ERMN: variants seen among roughly 807,000 people sequenced by gnomAD.
ERMN encodes ermin.
ERMN carries 17 observed loss-of-function variants against 21.4 expected under a neutral mutation model. That is an observed-to-expected ratio of 0.80 (90% CI 0.54 to 1.19). The LOEUF is 1.19. Among genes scored for constraint, ERMN ranks in the 50% most tolerant of loss-of-function variants. The pLI is 0.00. For missense variants in ERMN, 348 were observed against 331.6 expected (o/e 1.05, Z -0.38); for synonymous variants, 115 against 111.9 (o/e 1.03, Z -0.17).
rs529200549 is a variant in ERMN at position 157,318,872 on chromosome 2, G to A, written c.*2399C>T. 1 of 152,188 alleles carries A rather than the reference G, an allele frequency of 6.6e-6. No homozygotes were observed. The highest frequency in any genetic ancestry group is 2.4e-5 in the African/African-American group (1 of 41,534). 9.4% of individuals were successfully genotyped at this position (152,188 alleles called of 1,614,324 possible). ...ATAAATTAATTCTCCCTCTTCCCTG[G>A]TACCAGAGTCCTTACCACCCCTGAA... is the stretch of plus-strand genomic sequence containing the variant. On this transcript the variant is annotated 3_prime_UTR_variant, in exon 3 of 3. Coordinates refer to ENST00000410096, the MANE Select transcript of ERMN (RefSeq NM_020711.3).
At chr2:157,323,711 C>A (rs1683975788) in intron 2 of ERMN, among the ~76,000 whole-genome samples, 1 of 152,146 alleles carries the variant, frequency 6.6e-6, no homozygotes, top group Non-Finnish European at 1.5e-5. Flanking sequence ...TTATCCTACA[C>A]TTTATTTGGG....
upstream of ERMN, among the ~76,000 whole-genome samples, chr2:157,326,608 T>C (rs1684072886): frequency 6.6e-6 from 1 of 152,218 alleles, no homozygotes; most frequent in African/African-American, 2.4e-5. Context: ...CAGGTGATTA[T>C]GTTAAATGAC....
At position 157,321,208 on chromosome 2, in the gene ERMN, C is replaced by A; in HGVS notation, c.*63G>T. The A allele has an allele frequency of 6.4e-7, 1 of 1,554,226 alleles. No homozygotes were observed. Among genetic ancestry groups the A allele is most frequent in the Non-Finnish European group, 8.7e-7 (1 of 1,155,790 alleles). On this transcript the variant is annotated 3_prime_UTR_variant, in exon 3 of 3. Transcript: ENST00000410096. ...CTCAAATAAGGCATAGAAATATGCA[C>A]CCTGGGGCAATAGAATTAGCTTTTC...
chr2:157,325,982 T>G, upstream of ERMN: 1 of 1,153,632 alleles, frequency 8.7e-7, no homozygotes, highest in Non-Finnish European at 1.1e-6. Context: ...GGCTTTTGTG[T>G]TGGCATGTAG....
chr2:157,327,335 G>A (rs1171092437), upstream of ERMN: 2 of 645,796 alleles, frequency 3.1e-6, no homozygotes, highest in Non-Finnish European at 5.7e-6. Flanking sequence ...TCCCTCCCGC[G>A]TCATCACCAG....
Position 157,324,253 on chromosome 2 carries a change from CA to C in ERMN, c.334+416del, listed in dbSNP as rs544170827. 9.4e-3 allele frequency: 1,714 copies of C among 182,628 alleles called. 27 individuals carry two copies. Among genetic ancestry groups the C allele is most frequent in the African/African-American group, 0.043 (1,576 of 37,006 alleles). 11.3% of individuals were successfully genotyped at this position (182,628 alleles called of 1,614,324 possible). A position where few individuals can be genotyped will look rare whatever the true frequency, so the allele number is the denominator to read the frequency against. ...CACCATTGCACTCCAGCCTGGGCAA[CA>C]AGAGTGACACTCCGTCTCAAAAAAA... is the stretch of plus-strand genomic sequence containing the variant. On this transcript the variant is annotated intron_variant, in intron 2 of 2. Transcript: ENST00000410096.
At position 157,321,355 on chromosome 2, in the gene ERMN, T is replaced by C. The variant is rs1234603665; in HGVS notation, c.771A>G (p.Arg257=). Residue 257 remains arginine, a synonymous_variant, in exon 3 of 3, where the codon AGA becomes AGG. Transcript: ENST00000410096. ...KSDISRNAYS[R]YNTISYRKIR... is the part of the protein sequence containing the mutation. ...TTTTCCGATAGGATATTGTATTGTA[T>C]CTGGAATAAGCATTTCTGGAGATAT... The C allele has an allele frequency of 1.9e-6, 3 of 1,614,130 alleles. No homozygotes were observed. Among genetic ancestry groups the C allele is most frequent in the Non-Finnish European group, 1.7e-6 (2 of 1,179,992 alleles).
chr2:157,327,695 G>T, upstream of ERMN: 1 of 537,236 alleles, frequency 1.9e-6, no homozygotes, highest in Non-Finnish European at 3.3e-6. Context: ...TTAGCACCTT[G>T]GCAGTAGAGA....
chr2:157,323,860 A>G (rs965628220), intron 2 of ERMN, among the ~76,000 whole-genome samples: 4 of 152,222 alleles, frequency 2.6e-5, no homozygotes, highest in Non-Finnish European at 4.4e-5. Flanking sequence ...AATTAAAATT[A>G]ACTTTATCAC....
In ERMN at chr2:157,325,739, T is replaced by A; in HGVS notation, c.-97A>T. Reference sequence around the variant, plus strand: ...CTGCTCTTGCCTTCAAGTCCTATAGTTCCAACTCCTACTCTAAGAGCACAA... The same window carrying A: ...CTGCTCTTGCCTTCAAGTCCTATAGATCCAACTCCTACTCTAAGAGCACAA... On this transcript the variant is annotated 5_prime_UTR_variant, in exon 1 of 3. Transcript: ENST00000410096. The A allele has an allele frequency of 6.3e-7, 1 of 1,585,810 alleles. No individual in the cohort carries two copies. Among genetic ancestry groups the A allele is most frequent in the Non-Finnish European group, 8.6e-7 (1 of 1,164,590 alleles).
intron 2 of ERMN, among the ~76,000 whole-genome samples, chr2:157,323,082 G>A (rs1214956725): frequency 6.6e-6 from 1 of 152,128 alleles, no homozygotes; most frequent in Non-Finnish European, 1.5e-5. Flanking sequence ...ACCAAAATCT[G>A]TGCCTCTATT....
upstream of ERMN, among the ~76,000 whole-genome samples, chr2:157,326,335 A>C (rs1684067217): frequency 6.6e-6 from 1 of 152,222 alleles, no homozygotes; most frequent in Admixed American, 6.5e-5. Context: ...CAGGCTGGAG[A>C]AGGGACCTAT....
Position 157,321,601 on chromosome 2 carries a change from A to C in ERMN, c.525T>G (p.His175Gln). 6.2e-7 allele frequency: 1 copy of C among 1,614,016 alleles called. No homozygotes were observed. Among genetic ancestry groups the C allele is most frequent in the Middle Eastern group, 1.6e-4 (1 of 6,062 alleles). ...PSQADMLHSK[H>Q]DEEQKVWDEE... The stretch of plus-strand genomic sequence containing the variant: ...CATCCCAAACCTTCTGCTCCTCATC[A>C]TGTTTAGAATGTAACATGTCAGCTT... Residue 175 changes from histidine (H) to glutamine (Q), a missense_variant, in exon 3 of 3, where the codon CAT becomes CAG. Transcript: ENST00000410096.
chr2:157,322,578 A>G (rs1683940230), intron 2 of ERMN, among the ~76,000 whole-genome samples: 1 of 152,198 alleles, frequency 6.6e-6, no homozygotes, highest in South Asian at 2.1e-4. Context: ...GTGAGAGTCT[A>G]TAAGTAAGGT....
chr2:157,326,118 A>G (rs1391812480), upstream of ERMN, among the ~76,000 whole-genome samples: 1 of 152,262 alleles, frequency 6.6e-6, no homozygotes, highest in Non-Finnish European at 1.5e-5. Flanking sequence ...TCCAGAGAGA[A>G]TGACCACCTT....
chr2:157,324,601 T>G, intron 2 of ERMN, 69 bp downstream of exon 2: 1 of 1,272,882 alleles, frequency 7.9e-7, no homozygotes, highest in Middle Eastern at 1.9e-4. Flanking sequence ...TCATGCAACA[T>G]TTCATGGAAA....
Position 157,321,625 on chromosome 2 carries a change from T to C in ERMN, c.501A>G (p.Gln167=), listed in dbSNP as rs1297960267. Residue 167 remains glutamine (Q), a synonymous_variant, in exon 3 of 3, where the codon CAA becomes CAG. Transcript: ENST00000410096. ...CATGTTTAGAATGTAACATGTCAGC[T>C]TGGCTAGGTTTTCGAAATCCCAGCC... The part of the protein sequence containing the change: ...IEWLGFRKPS[Q]ADMLHSKHDE... 6.2e-7 allele frequency: 1 copy of C among 1,614,158 alleles called. No individual in the cohort carries two copies.
upstream of ERMN, chr2:157,327,243 G>A (rs1008426766): frequency 4.1e-6 from 2 of 485,842 alleles, no homozygotes; most frequent in Non-Finnish European, 7.4e-6. Context: ...GCCCATTCAG[G>A]TCTATATCAG....
Position 157,325,736 on chromosome 2 carries a change from T to C in ERMN, c.-94A>G. On this transcript the variant is annotated 5_prime_UTR_variant, in exon 1 of 3. Coordinates refer to ENST00000410096, the MANE Select transcript of ERMN (RefSeq NM_020711.3). Reference sequence around the variant, plus strand: ...TACCTGCTCTTGCCTTCAAGTCCTATAGTTCCAACTCCTACTCTAAGAGCA... The same window carrying C: ...TACCTGCTCTTGCCTTCAAGTCCTACAGTTCCAACTCCTACTCTAAGAGCA... 1 of 1,590,836 alleles carries C rather than the reference T, an allele frequency of 6.3e-7. No homozygotes were observed. Among genetic ancestry groups the C allele is most frequent in the Admixed American group, 1.7e-5 (1 of 59,214 alleles).
Sources: allele counts gnomAD v4.1 joint callset (sites outside exome capture counted in the v4.1 genomes callset), GRCh38; gene constraint gnomAD v4.1.1; transcripts MANE v1.5; gene names NCBI Gene and HGNC (gene_info 2026-07-23, HGNC 2026-07-21).